Variants in SGCD observed in about 807,000 individuals in gnomAD.
The protein encoded by SGCD is sarcoglycan delta.
In SGCD, 18 loss-of-function variants were observed where a neutral mutation model predicts 36.6. The ratio of observed to expected loss-of-function variants is 0.49; its 90% confidence interval spans 0.34 to 0.73. SGCD has a LOEUF of 0.73. Ranked by LOEUF, SGCD falls within the 30% of genes least tolerant of loss-of-function variation. SGCD has a pLI of 0.01. For missense variants in SGCD, 387 were observed against 346.7 expected (o/e 1.12, Z -0.92); for synonymous variants, 133 against 130.6 (o/e 1.02, Z -0.12).
intron 3 of SGCD, among the ~76,000 whole-genome samples, chr5:156,314,087 A>G (rs1330061067): frequency 6.6e-6 from 1 of 152,032 alleles, no homozygotes; most frequent in Non-Finnish European, 1.5e-5. Context: ...TACACACAAT[A>G]AAGAGCAAAG....
At chr5:156,106,963 A>G (rs1467773869) in intron 1 of SGCD, among the ~76,000 whole-genome samples, 2 of 152,048 alleles carry the variant, frequency 1.3e-5, no homozygotes, top group Non-Finnish European at 1.5e-5. Context: ...TGTGTATCCT[A>G]TTGCTTATGT....
At chr5:155,812,600 A>G in the SGCD span, among the ~76,000 whole-genome samples, 1 of 152,212 alleles carries the variant, frequency 6.6e-6, no homozygotes, top group Non-Finnish European at 1.5e-5. Context: ...AACATAATTA[A>G]TCAGAAGAAC....
rs1054147938 is a variant in SGCD, at chr5:156,763,760, T to C, written c.*4370T>C. On this transcript the variant is annotated 3_prime_UTR_variant, in exon 9 of 9. Transcript: ENST00000337851. The stretch of plus-strand genomic sequence containing the variant: ...TCAGCTAGGGATGACTCTGGAAGTA[T>C]GAGTATCATGGTGGGGAGGAAGGAA... 1 of 151,790 alleles carries C rather than the reference T, an allele frequency of 6.6e-6. No homozygotes were observed. Among genetic ancestry groups the C allele is most frequent in the Admixed American group, 6.6e-5 (1 of 15,240 alleles). 9.4% of individuals were successfully genotyped at this position (151,790 alleles called of 1,614,324 possible).
At chr5:156,019,309 A>C (rs1486791597) in intron 1 of SGCD, among the ~76,000 whole-genome samples, 1 of 152,210 alleles carries the variant, frequency 6.6e-6, no homozygotes, top group Non-Finnish European at 1.5e-5. Context: ...GCTTGGACTC[A>C]GAACCTTGAA....
chr5:155,907,917 CT>C (rs1217460055), intron 1 of SGCD, among the ~76,000 whole-genome samples: 3 of 152,068 alleles, frequency 2.0e-5, no homozygotes, highest in Admixed American at 2.0e-4. Context: ...ACAGAGAAAT[CT>C]TTTGTGAAAG....
the SGCD span, among the ~76,000 whole-genome samples, chr5:155,815,122 C>A: frequency 6.6e-6 from 1 of 152,078 alleles, no homozygotes; most frequent in African/African-American, 2.4e-5. Context: ...TCGGACATAT[C>A]TGTGTTGTTG....
chr5:156,214,847 A>G lies in SGCD; in HGVS notation c.-44+90828A>G, dbSNP rs552281104. Among the ~76,000 whole-genome samples the G allele has an allele frequency of 5.3e-5, 8 of 152,242 alleles. No homozygotes were observed. The South Asian group carries it at 1.7e-3, about 32-fold the overall frequency. ...GGGTGCCAAGAACACACAATGGGGAAAAGACAGTATCTTCAATAAATTCTG... is the reference window on the plus strand; with the variant it reads ...GGGTGCCAAGAACACACAATGGGGAGAAGACAGTATCTTCAATAAATTCTG... On this transcript the variant is annotated intron_variant, in intron 3 of 9. Transcript: ENST00000517913.
chr5:155,931,155 A>C (rs1219722449), intron 1 of SGCD, among the ~76,000 whole-genome samples: 1 of 152,172 alleles, frequency 6.6e-6, no homozygotes, highest in East Asian at 1.9e-4. Context: ...AATTTACCAA[A>C]CACTAAAGAA....
intron 3 of SGCD, among the ~76,000 whole-genome samples, chr5:156,447,451 T>C (rs1753795981): frequency 6.6e-6 from 1 of 152,204 alleles, no homozygotes; most frequent in African/African-American, 2.4e-5. Flanking sequence ...GCTGTGGCCA[T>C]GTTGCCTTAA....
At chr5:156,523,085 C>T (rs1757481527) in intron 4 of SGCD, among the ~76,000 whole-genome samples, 1 of 152,026 alleles carries the variant, frequency 6.6e-6, no homozygotes, top group Non-Finnish European at 1.5e-5. Flanking sequence ...TTAAAAGCAC[C>T]TAATAATTTA....
chr5:155,755,736 G>C, the SGCD span, among the ~76,000 whole-genome samples: 1 of 152,116 alleles, frequency 6.6e-6, no homozygotes, highest in Non-Finnish European at 1.5e-5. Context: ...CATTTATTCT[G>C]TTCTGTGTAA....
intron 7 of SGCD, among the ~76,000 whole-genome samples, chr5:156,703,235 T>C (rs1754598365): frequency 6.6e-6 from 1 of 152,072 alleles, no homozygotes; most frequent in African/African-American, 2.4e-5. Flanking sequence ...TCTTAGATTC[T>C]TCACAGTTAT....
At chr5:156,757,343 T>A (rs533744665) in intron 7 of SGCD, among the ~76,000 whole-genome samples, 48 of 137,954 alleles carry the variant, frequency 3.5e-4, no homozygotes, top group African/African-American at 1.3e-3. Context: ...GGATATAAGA[T>A]CAAGTGAAAC....
At chr5:155,736,828 G>A in the SGCD span, among the ~76,000 whole-genome samples, 2 of 151,916 alleles carry the variant, frequency 1.3e-5, no homozygotes, top group African/African-American at 4.8e-5. Flanking sequence ...TGATGTTGTG[G>A]TTATGGGTAG....
chr5:156,116,207 A>G (rs1036526883), intron 1 of SGCD, among the ~76,000 whole-genome samples: 7 of 152,084 alleles, frequency 4.6e-5, no homozygotes, highest in African/African-American at 1.7e-4. Flanking sequence ...AAGATGATCA[A>G]TAAGAGGTTT....
intron 1 of SGCD, among the ~76,000 whole-genome samples, chr5:156,030,017 T>C (rs1163123770): frequency 6.6e-6 from 1 of 152,112 alleles, no homozygotes; most frequent in African/African-American, 2.4e-5. Flanking sequence ...ATGGACCATG[T>C]CACATAATTT....
At position 156,263,431 on chromosome 5, in the gene SGCD, AT is replaced by A. The variant is rs377384491; in HGVS notation, c.-43-66095del. Reference sequence around the variant, plus strand: ...AATTGTCTATTCATGTCCTTAGCCCATTTTTTTTATGAAGTTTTTTTTCTTG... The same window carrying A: ...AATTGTCTATTCATGTCCTTAGCCCATTTTTTTATGAAGTTTTTTTTCTTG... On this transcript the variant is annotated intron_variant, in intron 3 of 9. Coordinates refer to the SGCD transcript ENST00000517913. Among the ~76,000 whole-genome samples the A allele has an allele frequency of 1.7e-3, 251 of 151,436 alleles. 3 individuals are homozygous for A. Among genetic ancestry groups the A allele is most frequent in the Admixed American group, 4.1e-3 (63 of 15,182 alleles).
chr5:156,141,330 G>A (rs1762575040), intron 3 of SGCD, among the ~76,000 whole-genome samples: 1 of 152,118 alleles, frequency 6.6e-6, no homozygotes, highest in African/African-American at 2.4e-5. Context: ...AGCCATGGGA[G>A]CAAGGTCACC....
chr5:156,439,382 G>A (rs1047369479), intron 3 of SGCD, among the ~76,000 whole-genome samples: 5 of 152,084 alleles, frequency 3.3e-5, no homozygotes, highest in Non-Finnish European at 7.4e-5. Flanking sequence ...TTTACTTGAC[G>A]ACTCCTTCTT....
Sources: allele counts gnomAD v4.1 joint callset (sites outside exome capture counted in the v4.1 genomes callset), GRCh38; gene constraint gnomAD v4.1.1; transcripts MANE v1.5; gene names NCBI Gene and HGNC (gene_info 2026-07-23, HGNC 2026-07-21).